The following MICAL3 variants were observed in gnomAD, a reference collection of about 807,000 sequenced individuals.
MICAL3 encodes the protein [F-actin]-monooxygenase MICAL3.
Under a neutral mutation model 207.4 loss-of-function variants are expected in MICAL3, and 62 were observed. The observed-to-expected ratio is 0.30, with a 90% CI of 0.24 to 0.37. MICAL3 has a LOEUF of 0.37. Ranked by LOEUF, MICAL3 falls within the 10% of genes least tolerant of loss-of-function variation. MICAL3 has a pLI of 1.00. For synonymous variants in MICAL3, 1,077 were observed against 1,069.3 expected, an observed-to-expected ratio of 1.01 and a Z score of -0.14; for missense variants, 2,368 against 2,635.6, an observed-to-expected ratio of 0.90 and a Z score of 2.22.
At chr22:17,871,314 C>T (rs1465688877) in intron 17 of MICAL3, among the ~76,000 whole-genome samples, 1 of 152,124 alleles carries the variant, frequency 6.6e-6, no homozygotes, top group Non-Finnish European at 1.5e-5. Context: ...AGATTCAGGC[C>T]CTGTGCAATG....
At chr22:18,002,855 C>T (rs998115000) in intron 1 of MICAL3, among the ~76,000 whole-genome samples, 2 of 151,768 alleles carry the variant, frequency 1.3e-5, no homozygotes, top group African/African-American at 4.8e-5. Context: ...GAGCATTATC[C>T]ACTATCTTAA....
At chr22:17,871,083 A>AT (rs2146163987) in intron 17 of MICAL3, among the ~76,000 whole-genome samples, 1 of 152,318 alleles carries the variant, frequency 6.6e-6, no homozygotes, top group South Asian at 2.1e-4. Flanking sequence ...TCTGGAATCT[A>AT]TAAGACTGCC....
chr22:17,950,083 G>A (rs1047139644), intron 1 of MICAL3, among the ~76,000 whole-genome samples: 7 of 152,144 alleles, frequency 4.6e-5, no homozygotes, highest in Admixed American at 2.0e-4. Flanking sequence ...CAGGAAGAGA[G>A]GAAACAGTGT....
chr22:17,917,160 A>T (rs978575420), intron 1 of MICAL3, among the ~76,000 whole-genome samples: 1 of 152,162 alleles, frequency 6.6e-6, no homozygotes, highest in African/African-American at 2.4e-5. Flanking sequence ...TCTACACAGT[A>T]TCAATAACCA....
Position 17,808,945 on chromosome 22 carries a change from A to C in MICAL3, c.5557-8T>G. ...CAGCTGCCGCTGGATGATCTATGAC[A>C]GACAGCACAGACTGAGCACCCGGCT... On this transcript the variant is annotated splice_region_variant and splice_polypyrimidine_tract_variant and intron_variant, in intron 28 of 31. Transcript: ENST00000441493. 6.5e-7 allele frequency: 1 copy of C among 1,548,582 alleles called. No individual in the cohort carries two copies.
At chr22:17,903,587 G>A (rs1931494104) in intron 3 of MICAL3, among the ~76,000 whole-genome samples, 1 of 152,166 alleles carries the variant, frequency 6.6e-6, no homozygotes, top group African/African-American at 2.4e-5. Flanking sequence ...CGTCATCTTG[G>A]TTGTTCTCCC....
chr22:17,928,904 C>G (rs1372331595), intron 1 of MICAL3, among the ~76,000 whole-genome samples: 1 of 152,124 alleles, frequency 6.6e-6, no homozygotes, highest in Non-Finnish European at 1.5e-5. Context: ...ACGCCTTTCT[C>G]CTGCCTCAGC....
chr22:17,949,681 AC>A (rs1934238760), intron 1 of MICAL3, among the ~76,000 whole-genome samples: 1 of 152,214 alleles, frequency 6.6e-6, no homozygotes, highest in East Asian at 1.9e-4. Context: ...AATCTCAAAT[AC>A]CGTAGTGCCT....
At chr22:18,021,657 G>C (rs1004370786) in intron 1 of MICAL3, among the ~76,000 whole-genome samples, 8 of 152,200 alleles carry the variant, frequency 5.3e-5, no homozygotes, top group Admixed American at 3.3e-4. Context: ...GAGGGAGGGA[G>C]TGTGTAGTCA....
Position 17,906,794 on chromosome 22 carries a change from C to A in MICAL3, c.19G>T (p.Glu7Ter). 1 of 1,608,110 alleles carries A rather than the reference C, an allele frequency of 6.2e-7. No individual in the cohort carries two copies. Among genetic ancestry groups the A allele is most frequent in the Non-Finnish European group, 8.5e-7 (1 of 1,176,230 alleles). MEERKH[E>*]TMNPAHVLFD... is the part of the protein sequence containing the mutation. ...AGGACATGAGCTGGGTTCATGGTCT[C>A]ATGCTTCCTCTCCTCCATGCTGCCT... is the stretch of plus-strand genomic sequence containing the variant. The change falls in exon 2 of 32, where the codon GAG (glutamate) becomes TAG (stop). Residue 7 changes from glutamate (E) to a stop codon, truncating the protein, a stop_gained. Transcript: ENST00000441493. LOFTEE classifies it high-confidence loss of function.
chr22:17,896,767 C>T lies in MICAL3; in HGVS notation c.1163G>A (p.Gly388Glu), dbSNP rs1367111262. 6.2e-7 allele frequency: 1 copy of T among 1,613,944 alleles called. No individual in the cohort carries two copies. The highest frequency in any genetic ancestry group is 8.5e-7 in the Non-Finnish European group (1 of 1,179,930). The change falls in exon 8 of 32, where the codon GGA (glycine) becomes GAA (glutamate). Residue 388 changes from glycine (G) to glutamate (E), a missense_variant. Transcript: ENST00000441493. ...ENAALVREQNGHQLLVALVGD... is the reference protein window; with the variant it reads ...ENAALVREQNEHQLLVALVGD... ...GACCAGAGCCACTAGTAACTGGTGT[C>T]CGTTCTGCTCCCGCACCAAGGCGGC...
chr22:17,962,469 G>GA (rs1229171856), intron 1 of MICAL3, among the ~76,000 whole-genome samples: 2 of 152,196 alleles, frequency 1.3e-5, no homozygotes, highest in African/African-American at 4.8e-5. Flanking sequence ...TGGGACCTGG[G>GA]AGGAGGACAG....
At chr22:17,980,059 G>A (rs1379355769) in intron 1 of MICAL3, among the ~76,000 whole-genome samples, 3 of 152,162 alleles carry the variant, frequency 2.0e-5, no homozygotes, top group Non-Finnish European at 4.4e-5. Context: ...GAACTGCTGG[G>A]CTCAAGTGAT....
chr22:18,016,832 C>T (rs1290132543), intron 1 of MICAL3, among the ~76,000 whole-genome samples: 5 of 151,608 alleles, frequency 3.3e-5, no homozygotes, highest in African/African-American at 9.7e-5. Context: ...CCCAGCTACT[C>T]GGGAGGCTGA....
intron 19 of MICAL3, among the ~76,000 whole-genome samples, chr22:17,851,779 A>G (rs906900471): frequency 6.6e-6 from 1 of 152,264 alleles, no homozygotes; most frequent in Non-Finnish European, 1.5e-5. Context: ...CCAATGGCAC[A>G]GAGGACATCA....
chr22:18,000,032 T>C (rs1922754904), intron 1 of MICAL3, among the ~76,000 whole-genome samples: 1 of 152,152 alleles, frequency 6.6e-6, no homozygotes, highest in African/African-American at 2.4e-5. Flanking sequence ...AACTGGCCTG[T>C]GTGCGGCCAG....
At chr22:17,955,354 C>T (rs535256519) in intron 1 of MICAL3, among the ~76,000 whole-genome samples, 5 of 152,328 alleles carry the variant, frequency 3.3e-5, no homozygotes, top group African/African-American at 9.6e-5. Flanking sequence ...GTCTGCCCTG[C>T]CCCAACACCC....
chr22:17,862,020 G>A (rs1926570088), intron 19 of MICAL3: 1 of 985,254 alleles, frequency 1.0e-6, no homozygotes, highest in East Asian at 1.1e-4. Flanking sequence ...ATATAAAGAG[G>A]AGGCACAGAG....
intron 1 of MICAL3, among the ~76,000 whole-genome samples, chr22:17,994,721 CA>C (rs11451637): frequency 8.1e-4 from 103 of 126,520 alleles, no homozygotes; most frequent in Admixed American, 8.0e-4. Context: ...GACTCTGTCT[CA>C]AAAAAAAAAA....
Sources: gnomAD v4.1 joint callset for allele counts (sites outside exome capture counted in the v4.1 genomes callset) on GRCh38, gnomAD v4.1.1 for gene constraint, MANE v1.5 for transcripts, NCBI Gene and HGNC (gene_info 2026-07-23, HGNC 2026-07-21) for gene names.